Variants in TAFA5 observed in about 807,000 individuals in gnomAD.
TAFA5 encodes the protein TAFA chemokine like family member 5.
TAFA5 carries 6 observed loss-of-function variants against 15.3 expected under a neutral mutation model. That is an observed-to-expected ratio of 0.39 (90% CI 0.21 to 0.77). The LOEUF (loss-of-function observed/expected upper bound fraction) is 0.77. TAFA5 is among the 30% of genes least tolerant of loss of function. The pLI is 0.41. For synonymous variants in TAFA5, 103 were observed against 80.7 expected (o/e 1.28, Z -1.48); for missense variants, 161 against 193.1 (o/e 0.83, Z 0.98).
intron 1 of TAFA5, among the ~76,000 whole-genome samples, chr22:48,585,402 A>G (rs1174989920): frequency 6.7e-6 from 1 of 150,250 alleles, no homozygotes; most frequent in African/African-American, 2.4e-5. Context: ...CACACACACC[A>G]CACACCACAT....
At chr22:48,544,917 C>G (rs529597406) in intron 1 of TAFA5, 13 of 470,314 alleles carry the variant, frequency 2.8e-5, no homozygotes, top group South Asian at 2.0e-4. Flanking sequence ...CACCTCCTGC[C>G]GCAAGGCCCT....
rs1298837929 is a variant in TAFA5 at position 48,542,501 on chromosome 22, CGT to C, written c.112+52803_112+52804del. ...GTGTGGTGTGTGTGTGGTGTGTGTG[CGT>C]GTGTGGCATGTGTGTGTGCATGTGT... On this transcript the variant is annotated intron_variant, in intron 1 of 3. Coordinates refer to ENST00000402357, the MANE Select transcript of TAFA5 (RefSeq NM_001082967.3). Among the ~76,000 whole-genome samples, 5 of 33,370 alleles carry C rather than the reference CGT, an allele frequency of 1.5e-4. 1 individual carries two copies. The highest frequency in any genetic ancestry group is 2.8e-4 in the Non-Finnish European group (5 of 17,682). The allele number at this position is 33,370 out of a possible 152,430, so 21.9% of individuals were successfully genotyped here.
intron 3 of TAFA5, among the ~76,000 whole-genome samples, chr22:48,735,813 TAGAGTCC>T (rs1434927802): frequency 3.5e-3 from 128 of 36,590 alleles, no homozygotes; most frequent in African/African-American, 0.013. Context: ...ATCACACTCC[TAGAGTCC>T]AGAGTCCATC....
At chr22:48,492,979 T>C (rs1928208177) in intron 1 of TAFA5, among the ~76,000 whole-genome samples, 1 of 152,198 alleles carries the variant, frequency 6.6e-6, no homozygotes. Flanking sequence ...GAATGGGACC[T>C]CTTGACCCAG....
At chr22:48,748,762 T>G (rs928315031) in intron 3 of TAFA5, among the ~76,000 whole-genome samples, 1 of 152,056 alleles carries the variant, frequency 6.6e-6, no homozygotes, top group Non-Finnish European at 1.5e-5. Context: ...AACCTGGGAT[T>G]TGGGGAGGCC....
chr22:48,516,321 C>G (rs748922087), intron 1 of TAFA5, among the ~76,000 whole-genome samples: 24 of 152,144 alleles, frequency 1.6e-4, no homozygotes, highest in Non-Finnish European at 2.4e-4. Flanking sequence ...TCCTGGTGAT[C>G]TCAGCACAAT....
At chr22:48,737,880 G>T (rs891216160) in intron 3 of TAFA5, among the ~76,000 whole-genome samples, 9 of 152,150 alleles carry the variant, frequency 5.9e-5, no homozygotes, top group Non-Finnish European at 1.5e-5. Flanking sequence ...GGGTTGAGCT[G>T]GACCGAGCGT....
At position 48,560,032 on chromosome 22, in the gene TAFA5, T is replaced by C. The variant is rs987231082; in HGVS notation, c.112+70328T>C. 1.3e-5 allele frequency among the ~76,000 whole-genome samples: 2 copies of C among 152,142 alleles called. No homozygotes were observed. The highest frequency in any genetic ancestry group is 2.9e-5 in the Non-Finnish European group (2 of 68,018). Reference sequence around the variant, plus strand: ...GCAGGAGTGACTGCAGGGTCTTCTTTCTATGCACACGCCGGCCATCCTCCA... The same window carrying C: ...GCAGGAGTGACTGCAGGGTCTTCTTCCTATGCACACGCCGGCCATCCTCCA... On this transcript the variant is annotated intron_variant, in intron 1 of 3. Coordinates refer to ENST00000402357, the MANE Select transcript of TAFA5 (RefSeq NM_001082967.3). The surrounding 1 kb of genome is among the most constrained non-coding windows in gnomAD (Gnocchi z 4.2).
chr22:48,628,655 G>C (rs1358118071), intron 1 of TAFA5, among the ~76,000 whole-genome samples: 2 of 152,220 alleles, frequency 1.3e-5, no homozygotes, highest in Non-Finnish European at 2.9e-5. Context: ...GACGAGCTTG[G>C]AGAAGCAGAG....
intron 1 of TAFA5, chr22:48,576,293 C>G (rs1282731203): frequency 9.1e-7 from 1 of 1,104,736 alleles, no homozygotes; most frequent in Non-Finnish European, 1.1e-6. Flanking sequence ...CCGCTCCCCT[C>G]CCCCCTGCCC....
chr22:48,646,726 C>T lies in TAFA5; in HGVS notation c.242C>T (p.Ala81Val). 1 of 1,584,344 alleles carries T rather than the reference C, an allele frequency of 6.3e-7. No homozygotes were observed. The highest frequency in any genetic ancestry group is 1.1e-5 in the South Asian group (1 of 88,920). The change falls in exon 2 of 4, where the codon GCC becomes GTC. Residue 81 changes from alanine to valine, a missense_variant. Ala to Val is a moderately conservative substitution (Grantham distance 64). Transcript: ENST00000402357. ...RKGQIAGTTR[A>V]RPACVDARII... ...GGGCAGATCGCCGGCACCACGAGAG[C>T]CCGGCCCGCCTGTGTGGACGGTAAG...
chr22:48,665,072 C>T (rs967915065), intron 2 of TAFA5, among the ~76,000 whole-genome samples: 1 of 152,112 alleles, frequency 6.6e-6, no homozygotes, highest in African/African-American at 2.4e-5. Context: ...GCGTCATGGT[C>T]CCTCCAGCAC....
intron 1 of TAFA5, among the ~76,000 whole-genome samples, chr22:48,547,594 G>A (rs956354917): frequency 8.5e-5 from 13 of 152,098 alleles, no homozygotes; most frequent in African/African-American, 2.7e-4. Context: ...AGAGCCGCTC[G>A]TGTTCAGGGG....
chr22:48,509,108 C>T lies in TAFA5; in HGVS notation c.112+19404C>T, dbSNP rs576947061. Among the ~76,000 whole-genome samples the T allele has an allele frequency of 7.2e-5, 11 of 152,340 alleles. No homozygotes were observed. The South Asian group carries it at 8.3e-4, about 11-fold the overall frequency. ...TTGTTTCACTTAACACAATGCCCTC[C>T]GGAGTCATGCCTGCAGCTGCGAATG... On this transcript the variant is annotated intron_variant, in intron 1 of 3. Coordinates refer to ENST00000402357, the MANE Select transcript of TAFA5 (RefSeq NM_001082967.3).
At chr22:48,629,267 T>C (rs1601626838) in intron 1 of TAFA5, among the ~76,000 whole-genome samples, 1 of 152,114 alleles carries the variant, frequency 6.6e-6, no homozygotes, top group South Asian at 2.1e-4. Context: ...CTTGCTCAGC[T>C]CACACGCCCT....
At chr22:48,576,555 G>A in intron 1 of TAFA5, 5 of 1,510,246 alleles carry the variant, frequency 3.3e-6, no homozygotes, top group Non-Finnish European at 4.5e-6. Flanking sequence ...TGATCCACGC[G>A]CAGTTCCTCA....
intron 3 of TAFA5, among the ~76,000 whole-genome samples, chr22:48,732,349 C>T (rs557359972): frequency 2.8e-4 from 43 of 152,312 alleles, no homozygotes; most frequent in East Asian, 7.7e-4. Flanking sequence ...CTCCGCCTCC[C>T]GGGTTCACGC....
At chr22:48,709,198 C>T (rs1411986929) in intron 3 of TAFA5, among the ~76,000 whole-genome samples, 1 of 152,146 alleles carries the variant, frequency 6.6e-6, no homozygotes, top group East Asian at 1.9e-4. Context: ...AACGGCGCCA[C>T]CCCGAGGCAT....
rs539555143 is a variant in TAFA5, at chr22:48,509,748, G to A, written c.112+20044G>A. Among the ~76,000 whole-genome samples, 6 of 152,008 alleles carry A rather than the reference G, an allele frequency of 3.9e-5. No homozygotes were observed. In the South Asian group the frequency reaches 8.3e-4, roughly 21 times the overall value. On this transcript the variant is annotated intron_variant, in intron 1 of 3. Transcript: ENST00000402357. Reference sequence around the variant, plus strand: ...GGGCGGATCACGAGGTCAGAAGATCGAGACCATCCTGGCTAACATGGTGAA... The same window carrying A: ...GGGCGGATCACGAGGTCAGAAGATCAAGACCATCCTGGCTAACATGGTGAA...
Sources: allele counts gnomAD v4.1 joint callset (sites outside exome capture counted in the v4.1 genomes callset), GRCh38; gene constraint gnomAD v4.1.1; non-coding constraint Gnocchi (gnomAD v3.1); transcripts MANE v1.5; gene names NCBI Gene and HGNC (gene_info 2026-07-23, HGNC 2026-07-21).